The following NFAT5 variants were observed in gnomAD, a reference collection of about 807,000 sequenced individuals.
NFAT5 encodes the protein nuclear factor of activated T cells 5.
In NFAT5, 31 loss-of-function variants were observed where a neutral mutation model predicts 166.5. That is an observed-to-expected ratio of 0.19 (90% CI 0.14 to 0.25). The LOEUF is 0.25. Ranked by LOEUF, NFAT5 falls within the 10% of genes least tolerant of loss-of-function variation. The pLI is 1.00. For synonymous variants in NFAT5, 612 were observed against 639.7 expected (o/e 0.96, Z 0.65); for missense variants, 1,449 against 1,821.8 (o/e 0.80, Z 3.72).
intron 2 of NFAT5, among the ~76,000 whole-genome samples, chr16:69,619,367 A>G (rs918075914): frequency 6.6e-6 from 1 of 152,234 alleles, no homozygotes; most frequent in Non-Finnish European, 1.5e-5. Context: ...TATATACTTC[A>G]GTAAAAAGAA....
intron 7 of NFAT5, among the ~76,000 whole-genome samples, chr16:69,662,098 T>C (rs2036170228): frequency 6.6e-6 from 1 of 152,104 alleles, no homozygotes; most frequent in Non-Finnish European, 1.5e-5. Context: ...AGCTTCCAAT[T>C]GTATTATAAA....
At chr16:69,653,529 C>A in intron 5 of NFAT5, 101 bp downstream of exon 5, 3 of 732,936 alleles carry the variant, frequency 4.1e-6, no homozygotes, top group Non-Finnish European at 6.1e-6. Context: ...ATTTTCTTCC[C>A]TCATATTTGA....
At chr16:69,667,101 T>G (rs2036415835) in intron 7 of NFAT5, among the ~76,000 whole-genome samples, 1 of 143,944 alleles carries the variant, frequency 6.9e-6, no homozygotes. Context: ...ATATTCTCAC[T>G]CATAGGTGGG....
intron 7 of NFAT5, among the ~76,000 whole-genome samples, chr16:69,667,608 T>C (rs1400255073): frequency 6.6e-6 from 1 of 152,146 alleles, no homozygotes; most frequent in Non-Finnish European, 1.5e-5. Context: ...TCTTATGCCT[T>C]TAACAAATAA....
intron 3 of NFAT5, among the ~76,000 whole-genome samples, chr16:69,637,491 A>G (rs2217950): frequency 0.26 from 39,338 of 152,174 alleles, 5,531 homozygotes; most frequent in East Asian, 0.45. Context: ...TTGGACTTAC[A>G]GTTCCACATG....
chr16:69,698,809 A>G lies in NFAT5; in HGVS notation c.*2458A>G, dbSNP rs2151731467. On this transcript the variant is annotated 3_prime_UTR_variant, in exon 15 of 15. Coordinates refer to ENST00000349945, the MANE Select transcript of NFAT5 (RefSeq NM_138713.4). ...TCTGTATTCTATGCCTTTTATTTAT[A>G]AAGACACTAAGAAAACCCATGTTTG... 6.5e-6 allele frequency: 1 copy of G among 152,764 alleles called. No homozygotes were observed. Among genetic ancestry groups the G allele is most frequent in the Non-Finnish European group, 1.5e-5 (1 of 68,028 alleles). The allele number at this position is 152,764 out of a possible 1,614,324, so 9.5% of individuals were successfully genotyped here.
chr16:69,694,124 T>C lies in NFAT5; in HGVS notation c.4299T>C (p.Pro1433=). 1 of 1,614,216 alleles carries C rather than the reference T, an allele frequency of 6.2e-7. No homozygotes were observed. Among genetic ancestry groups the C allele is most frequent in the Non-Finnish European group, 8.5e-7 (1 of 1,180,034 alleles). ...GAATTCAAGGAGCCACATCTTCGCC[T>C]CAACCACAGGCTACTTTATTTCACA... The part of the protein sequence containing the change: ...MPGIQGATSS[P]QPQATLFHNT... Residue 1433 remains proline (P), a synonymous_variant, in exon 13 of 15, where the codon CCT becomes CCC. Coordinates refer to ENST00000349945, the MANE Select transcript of NFAT5 (RefSeq NM_138713.4).
rs1455319163 is a variant in NFAT5 at position 69,697,796 on chromosome 16, T to C, written c.*1445T>C. On this transcript the variant is annotated 3_prime_UTR_variant, in exon 15 of 15. Coordinates refer to ENST00000349945, the MANE Select transcript of NFAT5 (RefSeq NM_138713.4). ...TATGTCTCATTTTCCTTTTGGCATGTGGAAAGCTGTCAATGCAGTGTAAGG... is the reference window on the plus strand; with the variant it reads ...TATGTCTCATTTTCCTTTTGGCATGCGGAAAGCTGTCAATGCAGTGTAAGG... 1 of 152,660 alleles carries C rather than the reference T, an allele frequency of 6.6e-6. No homozygotes were observed. Among genetic ancestry groups the C allele is most frequent in the Non-Finnish European group, 1.5e-5 (1 of 68,044 alleles). The allele number at this position is 152,660 out of a possible 1,614,324, so 9.5% of individuals were successfully genotyped here. A position where few individuals can be genotyped will look rare whatever the true frequency, so the allele number is the denominator to read the frequency against.
At chr16:69,570,852 A>G (rs1175310291) in intron 2 of NFAT5, among the ~76,000 whole-genome samples, 1 of 151,992 alleles carries the variant, frequency 6.6e-6, no homozygotes, top group African/African-American at 2.4e-5. Flanking sequence ...TTTTGCTTCA[A>G]TTTTCTCATC....
At chr16:69,673,342 A>G (rs1411170709) in intron 9 of NFAT5, among the ~76,000 whole-genome samples, 1 of 151,564 alleles carries the variant, frequency 6.6e-6, no homozygotes, top group South Asian at 2.1e-4. Flanking sequence ...CTTTTCTTTG[A>G]GTGGAATCAG....
At chr16:69,650,795 T>C (rs1232022413) in intron 4 of NFAT5, among the ~76,000 whole-genome samples, 2 of 152,234 alleles carry the variant, frequency 1.3e-5, no homozygotes, top group Non-Finnish European at 2.9e-5. Context: ...CAGTATTTTC[T>C]TTCATCTCTT....
chr16:69,630,909 T>C (rs938503102), intron 3 of NFAT5, among the ~76,000 whole-genome samples: 2 of 152,216 alleles, frequency 1.3e-5, no homozygotes, highest in Middle Eastern at 3.2e-3. Context: ...TCTATGTGCT[T>C]ACAGTTTTAA....
rs1419121222 is a variant in NFAT5 at position 69,566,759 on chromosome 16, G to A, written c.73+385G>A. Among the ~76,000 whole-genome samples, 1 of 152,170 alleles carries A rather than the reference G, an allele frequency of 6.6e-6. No individual in the cohort carries two copies. Among genetic ancestry groups the A allele is most frequent in the Admixed American group, 6.5e-5 (1 of 15,292 alleles). ...CCGCGCTGGGGCCACCGCGATCGGGGCGCCGCGTCTTCTCTTACCGGGACC... is the reference window on the plus strand; with the variant it reads ...CCGCGCTGGGGCCACCGCGATCGGGACGCCGCGTCTTCTCTTACCGGGACC... On this transcript the variant is annotated intron_variant, in intron 1 of 14. Transcript: ENST00000349945. The surrounding 1 kb of genome is among the most constrained non-coding windows in gnomAD (Gnocchi z 5.7).
intron 2 of NFAT5, among the ~76,000 whole-genome samples, chr16:69,583,155 C>G (rs1021366397): frequency 1.3e-5 from 2 of 151,362 alleles, no homozygotes; most frequent in African/African-American, 2.4e-5. Context: ...TAGGAAAGCT[C>G]TTATTTATTA....
intron 2 of NFAT5, among the ~76,000 whole-genome samples, chr16:69,571,129 TAAAA>T (rs56221116): frequency 3.2e-5 from 1 of 31,380 alleles, no homozygotes; most frequent in African/African-American, 8.0e-5. Context: ...CCATCTCTAC[TAAAA>T]AAAAAAAAAA....
chr16:69,571,955 G>C (rs2016465632), intron 2 of NFAT5, among the ~76,000 whole-genome samples: 1 of 151,860 alleles, frequency 6.6e-6, no homozygotes, highest in Non-Finnish European at 1.5e-5. Context: ...GTAGAAACAG[G>C]GTTTCACCAT....
At chr16:69,601,485 G>A (rs2033130728) in intron 2 of NFAT5, among the ~76,000 whole-genome samples, 1 of 152,070 alleles carries the variant, frequency 6.6e-6, no homozygotes, top group South Asian at 2.1e-4. Context: ...CTCCAGCCTA[G>A]GCCTTTCAAG....
intron 11 of NFAT5, among the ~76,000 whole-genome samples, chr16:69,688,212 A>AAAAAAC (rs2037399424): frequency 2.4e-5 from 3 of 124,776 alleles, no homozygotes; most frequent in South Asian, 2.4e-4. Flanking sequence ...CAAAAAAAAA[A>AAAAAAC]AAAAAAAAAA....
intron 6 of NFAT5, among the ~76,000 whole-genome samples, chr16:69,659,374 C>A (rs1370960322): frequency 6.6e-6 from 1 of 151,760 alleles, no homozygotes; most frequent in Non-Finnish European, 1.5e-5. Flanking sequence ...CCCCAGGAGA[C>A]AGAGGTTGCA....
Sources: allele counts gnomAD v4.1 joint callset (sites outside exome capture counted in the v4.1 genomes callset), GRCh38; gene constraint gnomAD v4.1.1; non-coding constraint Gnocchi (gnomAD v3.1); transcripts MANE v1.5; gene names NCBI Gene and HGNC (gene_info 2026-07-23, HGNC 2026-07-21).